Variants in ASTN2 observed in about 807,000 individuals in gnomAD.
The protein encoded by ASTN2 is astrotactin-2.
Under a neutral mutation model 139.8 loss-of-function variants are expected in ASTN2, and 54 were observed. The ratio of observed to expected loss-of-function variants is 0.39; its 90% CI spans 0.31 to 0.48. ASTN2 has a LOEUF of 0.48. ASTN2 is among the 20% of genes least tolerant of loss of function. ASTN2 has a pLI of 0.95. For synonymous variants in ASTN2, 756 were observed against 719.5 expected (o/e 1.05, Z -0.81); for missense variants, 1,565 against 1,725.1 (o/e 0.91, Z 1.64).
intron 7 of ASTN2, among the ~76,000 whole-genome samples, chr9:116,999,502 GT>G (rs1837123754): frequency 1.3e-5 from 2 of 149,170 alleles, no homozygotes; most frequent in Non-Finnish European, 3.0e-5. Flanking sequence ...AAGATTGAAG[GT>G]TAGTAATTAT....
intron 1 of ASTN2, among the ~76,000 whole-genome samples, chr9:117,304,044 G>A (rs2130804116): frequency 6.6e-6 from 1 of 152,322 alleles, no homozygotes; most frequent in South Asian, 2.1e-4. Flanking sequence ...ATATGTGAGA[G>A]AAGCCAACCT....
intron 4 of ASTN2, among the ~76,000 whole-genome samples, chr9:117,128,469 G>T (rs903723313): frequency 3.1e-5 from 1 of 32,020 alleles, no homozygotes; most frequent in African/African-American, 4.1e-5. Flanking sequence ...TATCTATAAG[G>T]GCAATTGGGG....
At chr9:116,723,096 CA>C (rs1203590685) in intron 16 of ASTN2, among the ~76,000 whole-genome samples, 1 of 151,892 alleles carries the variant, frequency 6.6e-6, no homozygotes. Context: ...ACCCGGAAAG[CA>C]GAGCTTTCAG....
At chr9:116,883,620 C>A (rs1383826937) in intron 10 of ASTN2, among the ~76,000 whole-genome samples, 2 of 152,182 alleles carry the variant, frequency 1.3e-5, no homozygotes, top group African/African-American at 4.8e-5. Context: ...TCTTGGGAAT[C>A]TGAAACTACC....
chr9:116,854,021 G>A (rs1468978480), intron 11 of ASTN2, among the ~76,000 whole-genome samples: 1 of 152,178 alleles, frequency 6.6e-6, no homozygotes, highest in Non-Finnish European at 1.5e-5. Flanking sequence ...ATTTGTCCTG[G>A]TTAAGGGTTT....
intron 16 of ASTN2, among the ~76,000 whole-genome samples, chr9:116,697,112 C>T (rs541560500): frequency 1.1e-4 from 17 of 152,260 alleles, no homozygotes; most frequent in South Asian, 6.2e-4. Flanking sequence ...TCATTCCATC[C>T]ACTGTACTCC....
intron 22 of ASTN2, among the ~76,000 whole-genome samples, chr9:116,427,847 G>A (rs1469157796): frequency 6.6e-6 from 1 of 152,220 alleles, no homozygotes; most frequent in Admixed American, 6.5e-5. Context: ...CCCCCAAGAG[G>A]AGCCTGAGGA....
chr9:116,939,010 T>C (rs1835154732), intron 10 of ASTN2, among the ~76,000 whole-genome samples: 1 of 152,176 alleles, frequency 6.6e-6, no homozygotes, highest in African/African-American at 2.4e-5. Context: ...CACTCTGTTA[T>C]AAAAAGAAAG....
rs749100046 is a variant in ASTN2, at chr9:116,698,137, G to A, written c.2806+27634C>T. On this transcript the variant is annotated intron_variant, in intron 16 of 22. Coordinates refer to ENST00000313400, the MANE Select transcript of ASTN2 (RefSeq NM_001365068.1). This position sits in a 1 kb window ranked among gnomAD's most constrained non-coding sequence, Gnocchi z 4.4. Reference sequence around the variant, plus strand: ...CGGGAGGCAGACCATCAGCCTCCTGGCCACTGTACACTCCCTGTCAAAGAA... The same window carrying A: ...CGGGAGGCAGACCATCAGCCTCCTGACCACTGTACACTCCCTGTCAAAGAA... The A allele has an allele frequency of 5.0e-6, 8 of 1,613,980 alleles. No homozygotes were observed. Among genetic ancestry groups the A allele is most frequent in the African/African-American group, 1.3e-5 (1 of 74,928 alleles).
At chr9:116,933,961 T>C (rs985723981) in intron 10 of ASTN2, among the ~76,000 whole-genome samples, 2 of 146,812 alleles carry the variant, frequency 1.4e-5, no homozygotes, top group East Asian at 4.0e-4. Context: ...GAGACCTCAG[T>C]TGTGCGAAGT....
chr9:117,063,806 G>T (rs1250771030), intron 5 of ASTN2, among the ~76,000 whole-genome samples: 1 of 152,064 alleles, frequency 6.6e-6, no homozygotes, highest in Admixed American at 6.6e-5. Context: ...AAGCCAGTGG[G>T]CTCCTAGGTT....
chr9:117,134,815 AG>A (rs1291158472), intron 4 of ASTN2, among the ~76,000 whole-genome samples: 1 of 152,180 alleles, frequency 6.6e-6, no homozygotes, highest in Non-Finnish European at 1.5e-5. Context: ...AAGTACTGGT[AG>A]GCCGAGATCT....
intron 10 of ASTN2, among the ~76,000 whole-genome samples, chr9:116,903,720 G>C (rs899217168): frequency 4.6e-5 from 7 of 152,114 alleles, no homozygotes; most frequent in Middle Eastern, 3.4e-3. Flanking sequence ...CTCAGCCCAG[G>C]GTGTGGCATG....
intron 11 of ASTN2, among the ~76,000 whole-genome samples, chr9:116,836,163 G>C (rs1313384396): frequency 6.6e-6 from 1 of 152,100 alleles, no homozygotes; most frequent in African/African-American, 2.4e-5. Flanking sequence ...GGGAGTGGTA[G>C]GTATGTCTAG....
rs200361826 is a variant in ASTN2, at chr9:117,120,018, G to GTATATATATATATATA, written c.1168+21292_1168+21307dup. Among the ~76,000 whole-genome samples, 132 of 45,958 alleles carry GTATATATATATATATA rather than the reference G, an allele frequency of 2.9e-3. 3 individuals carry two copies. The highest frequency in any genetic ancestry group is 5.1e-3 in the Admixed American group (17 of 3,338). The allele number at this position is 45,958 out of a possible 152,430, so 30.2% of individuals were successfully genotyped here. A position where few individuals can be genotyped will look rare whatever the true frequency, so the allele number is the denominator to read the frequency against. On this transcript the variant is annotated intron_variant, in intron 4 of 22. Coordinates refer to ENST00000313400, the MANE Select transcript of ASTN2 (RefSeq NM_001365068.1). ...TGTGTGTGTGTGTGTGTGTGTGTGT[G>GTATATATATATATATA]TATATATATATATATATATATATAT...
chr9:116,657,137 C>T (rs1465726555), intron 16 of ASTN2, among the ~76,000 whole-genome samples: 4 of 152,144 alleles, frequency 2.6e-5, no homozygotes, highest in Admixed American at 2.6e-4. Context: ...AGGACCCACA[C>T]AAATATCTTT....
chr9:117,396,705 A>G (rs1049972292), intron 1 of ASTN2, among the ~76,000 whole-genome samples: 1 of 152,030 alleles, frequency 6.6e-6, no homozygotes, highest in Non-Finnish European at 1.5e-5. Context: ...TGCTGGGATT[A>G]CAGGTATGCA....
intron 5 of ASTN2, among the ~76,000 whole-genome samples, chr9:117,089,495 C>T (rs1166194067): frequency 6.9e-6 from 1 of 144,540 alleles, no homozygotes; most frequent in Admixed American, 7.2e-5. Context: ...CAAATAGACT[C>T]TTTTATTTAT....
chr9:117,064,124 G>A (rs953912907), intron 5 of ASTN2, among the ~76,000 whole-genome samples: 3 of 151,726 alleles, frequency 2.0e-5, no homozygotes, highest in Non-Finnish European at 2.9e-5. Context: ...TCCAGGACGC[G>A]CTCACAACGC....
Sources: allele counts gnomAD v4.1 joint callset (sites outside exome capture counted in the v4.1 genomes callset), GRCh38; gene constraint gnomAD v4.1.1; non-coding constraint Gnocchi (gnomAD v3.1); transcripts MANE v1.5; gene names NCBI Gene and HGNC (gene_info 2026-07-23, HGNC 2026-07-21).